The following GBP6 variants were observed in gnomAD, a reference collection of about 807,000 sequenced individuals.
GBP6 encodes the protein guanylate binding protein family member 6.
Under a neutral mutation model 61.5 loss-of-function variants are expected in GBP6, and 54 were observed. The ratio of observed to expected loss-of-function variants is 0.88; its 90% CI spans 0.71 to 1.10. The LOEUF is 1.10. Among genes scored for constraint, GBP6 ranks in the 50% least tolerant of loss-of-function variants. GBP6 has a pLI of 0.00. For missense variants in GBP6, 748 were observed against 752.8 expected, an observed-to-expected ratio of 0.99 and a Z score of 0.07; for synonymous variants, 255 against 273.7, an observed-to-expected ratio of 0.93 and a Z score of 0.67.
chr1:89,383,607 C>G, intron 8 of GBP6, 45 bp from the exon 9 acceptor site: 3 of 1,350,928 alleles, frequency 2.2e-6, no homozygotes, highest in Non-Finnish European at 3.1e-6. Flanking sequence ...ATACCCAGAA[C>G]ATAGATTTTC....
At chr1:89,365,145 G>T (rs1652435311) in intron 1 of GBP6, among the ~76,000 whole-genome samples, 1 of 152,208 alleles carries the variant, frequency 6.6e-6, no homozygotes, top group Non-Finnish European at 1.5e-5. Context: ...CACAGCAAAA[G>T]AAACTATCAT....
At chr1:89,383,565 G>C in intron 8 of GBP6, 87 bp from the exon 9 acceptor site, 1 of 1,000,342 alleles carries the variant, frequency 1.0e-6, no homozygotes, top group Non-Finnish European at 1.5e-6. Context: ...TAAAGCAAAA[G>C]TTACAAGACC....
chr1:89,376,933 A>G (rs1229971976), intron 3 of GBP6, among the ~76,000 whole-genome samples: 1 of 152,126 alleles, frequency 6.6e-6, no homozygotes. Flanking sequence ...TAAATAGTTT[A>G]TTGTTTGTCA....
chr1:89,383,700 G>A lies in GBP6; in HGVS notation c.1414G>A (p.Glu472Lys), dbSNP rs372187705. 7 of 1,612,928 alleles carry A rather than the reference G, an allele frequency of 4.3e-6. No individual in the cohort carries two copies. Among genetic ancestry groups the A allele is most frequent in the Non-Finnish European group, 5.1e-6 (6 of 1,179,762 alleles). ...RFLESQMVIE[E>K]SILQSDKALT... is the part of the protein sequence containing the mutation. ...CCTGGAGTCACAGATGGTGATAGAG[G>A]AATCCATCTTGCAGTCAGATAAAGC... The change falls in exon 9 of 11, where the codon GAA (glutamate) becomes AAA (lysine). Residue 472 changes from glutamate to lysine, a missense_variant. Transcript: ENST00000370456.
Position 89,385,357 on chromosome 1 carries a change from T to C in GBP6, c.1790T>C (p.Leu597Ser), listed in dbSNP as rs1653107604. Reference sequence around the variant, plus strand: ...GATACTCCCTGGATTGCACGAACCTTGGACAACCTTGCCGATGAGCTAACT... The same window carrying C: ...GATACTCCCTGGATTGCACGAACCTCGGACAACCTTGCCGATGAGCTAACT... ...NDDTPWIART[L>S]DNLADELTAI... Residue 597 changes from leucine (L) to serine (S), a missense_variant, in exon 11 of 11, where the codon TTG (leucine) becomes TCG (serine). By Grantham distance (145) the Leu-to-Ser change is moderately radical. Transcript: ENST00000370456. 6.2e-7 allele frequency: 1 copy of C among 1,614,148 alleles called. No individual in the cohort carries two copies. Among genetic ancestry groups the C allele is most frequent in the Non-Finnish European group, 8.5e-7 (1 of 1,180,024 alleles).
chr1:89,382,000 C>A, intron 7 of GBP6, 26 bp downstream of exon 7: 1 of 1,571,068 alleles, frequency 6.4e-7, no homozygotes, highest in South Asian at 1.2e-5. Context: ...CATTACTGTT[C>A]ATCATCCTTC....
Position 89,384,296 on chromosome 1 carries a change from C to T in GBP6, c.1662+10C>T. ...GGAGCACACGCAGAAGGTAAGTCTGCCCTTGGCCTCAGCAGGCCAGACGGT... is the reference window on the plus strand; with the variant it reads ...GGAGCACACGCAGAAGGTAAGTCTGTCCTTGGCCTCAGCAGGCCAGACGGT... On this transcript the variant is annotated intron_variant, in intron 10 of 10. Coordinates refer to ENST00000370456, the MANE Select transcript of GBP6 (RefSeq NM_198460.3). 1.2e-6 allele frequency: 2 copies of T among 1,600,244 alleles called. No homozygotes were observed. The highest frequency in any genetic ancestry group is 1.7e-6 in the Non-Finnish European group (2 of 1,173,268).
intron 3 of GBP6, among the ~76,000 whole-genome samples, chr1:89,374,940 AT>A (rs1652763945): frequency 6.6e-6 from 1 of 151,744 alleles, no homozygotes; most frequent in African/African-American, 2.4e-5. Context: ...CCCTCCCCTA[AT>A]CCCCAGTGTG....
chr1:89,366,137 A>C (rs1019071554), intron 1 of GBP6, among the ~76,000 whole-genome samples: 8 of 152,218 alleles, frequency 5.3e-5, no homozygotes, highest in Admixed American at 5.2e-4. Flanking sequence ...CATTGACTTT[A>C]TCTCTCAAAA....
Position 89,385,295 on chromosome 1 carries a change from T to G in GBP6, c.1728T>G (p.Ser576Arg). ...KKYEEMNAEI[S>R]QFKRMIDTTK... ...ATGAGGAGATGAATGCAGAGATAAG[T>G]CAATTTAAACGTATGATTGATACTA... The change falls in exon 11 of 11, where the codon AGT (serine) becomes AGG (arginine). Residue 576 changes from serine to arginine, a missense_variant. By Grantham distance (110) the Ser-to-Arg change is moderately radical. Transcript: ENST00000370456. The G allele has an allele frequency of 6.2e-7, 1 of 1,613,958 alleles. No individual in the cohort carries two copies. Among genetic ancestry groups the G allele is most frequent in the Admixed American group, 1.7e-5 (1 of 60,012 alleles).
In GBP6 at chr1:89,368,587, C is replaced by T; in HGVS notation, c.36C>T (p.Cys12=). The change falls in exon 2 of 11, where the codon TGC becomes TGT. Residue 12 remains cysteine, a synonymous_variant. Transcript: ENST00000370456. ...ESGPKMLAPV[C]LVENNNEQLL... is the part of the protein sequence containing the mutation. ...GACCCAAAATGTTGGCCCCCGTTTG[C>T]CTGGTGGAAAATAACAATGAGCAGC... The T allele has an allele frequency of 6.2e-7, 1 of 1,614,076 alleles. No homozygotes were observed.
At chr1:89,384,496 G>A (rs1653080893) in intron 10 of GBP6, among the ~76,000 whole-genome samples, 1 of 152,154 alleles carries the variant, frequency 6.6e-6, no homozygotes. Context: ...TTCTGGAGAG[G>A]TAAGGTTGAC....
At position 89,371,135 on chromosome 1, in the gene GBP6, A is replaced by G. The variant is rs186229477; in HGVS notation, c.318+1462A>G. ...CTGACTTATTTCACTTAGCATAACGACCTCAGTGTTCATCTATGTTGTTGC... is the reference window on the plus strand; with the variant it reads ...CTGACTTATTTCACTTAGCATAACGGCCTCAGTGTTCATCTATGTTGTTGC... On this transcript the variant is annotated intron_variant, in intron 3 of 10. Coordinates refer to ENST00000370456, the MANE Select transcript of GBP6 (RefSeq NM_198460.3). 2.0e-3 allele frequency among the ~76,000 whole-genome samples: 311 copies of G among 152,266 alleles called. 1 individual carries two copies. Among genetic ancestry groups the G allele is most frequent in the Admixed American group, 4.1e-3 (62 of 15,296 alleles).
At chr1:89,381,058 G>A (rs967460638) in intron 6 of GBP6, among the ~76,000 whole-genome samples, 4 of 152,012 alleles carry the variant, frequency 2.6e-5, no homozygotes, top group East Asian at 1.9e-4. Context: ...GCAGAGGCAC[G>A]CAGATCGCTT....
chr1:89,381,234 G>A (rs1281671477), intron 6 of GBP6, among the ~76,000 whole-genome samples: 5 of 127,312 alleles, frequency 3.9e-5, no homozygotes, highest in African/African-American at 6.2e-5. Context: ...GTAGTGAGCC[G>A]AGATCACACC....
Position 89,380,479 on chromosome 1 carries a change from C to G in GBP6, c.719C>G (p.Thr240Arg). 3.1e-6 allele frequency: 5 copies of G among 1,614,088 alleles called. No homozygotes were observed. Among genetic ancestry groups the G allele is most frequent in the Non-Finnish European group, 3.4e-6 (4 of 1,180,002 alleles). ...KRKCFVFDRP[T>R]NDKDLLANIE... ...AAGTGTTTCGTCTTTGACCGGCCAACAAATGACAAAGACCTTCTAGCCAAT... is the reference window on the plus strand; with the variant it reads ...AAGTGTTTCGTCTTTGACCGGCCAAGAAATGACAAAGACCTTCTAGCCAAT... The change falls in exon 6 of 11, where the codon ACA becomes AGA. Residue 240 changes from threonine to arginine, a missense_variant. Physicochemically the swap from Thr to Arg is moderately conservative, Grantham distance 71 (BLOSUM62 -1). Coordinates refer to ENST00000370456, the MANE Select transcript of GBP6 (RefSeq NM_198460.3).
rs1040183783 is a variant in GBP6 at position 89,386,809 on chromosome 1, G to A, written c.*1340G>A. On this transcript the variant is annotated 3_prime_UTR_variant, in exon 11 of 11. Coordinates refer to ENST00000370456, the MANE Select transcript of GBP6 (RefSeq NM_198460.3). ...TAGCCTCAGATAGAAAGGACAATGT[G>A]CCTTTCCAGAACTGAACCCCCTGAT... 4.6e-5 allele frequency among the ~76,000 whole-genome samples: 7 copies of A among 152,170 alleles called. No individual in the cohort carries two copies. In the South Asian group the frequency reaches 6.2e-4, roughly 14 times the overall value.
chr1:89,387,512 T>C lies in GBP6; in HGVS notation c.*2043T>C, dbSNP rs1020244008. On this transcript the variant is annotated 3_prime_UTR_variant, in exon 11 of 11. Coordinates refer to ENST00000370456, the MANE Select transcript of GBP6 (RefSeq NM_198460.3). Reference sequence around the variant, plus strand: ...ATAGGTTGTGCTAAATAAGCTTCTTTTATAAAAACAATAGGCTGATGCATG... The same window carrying C: ...ATAGGTTGTGCTAAATAAGCTTCTTCTATAAAAACAATAGGCTGATGCATG... 6.6e-6 allele frequency among the ~76,000 whole-genome samples: 1 copy of C among 152,230 alleles called. No homozygotes were observed. Among genetic ancestry groups the C allele is most frequent in the Non-Finnish European group, 1.5e-5 (1 of 68,048 alleles).
In GBP6 at chr1:89,378,600, G is replaced by C. The variant is rs370118070; in HGVS notation, c.612G>C (p.Leu204Phe). 9.9e-5 allele frequency: 160 copies of C among 1,612,400 alleles called. No individual in the cohort carries two copies. The highest frequency in any genetic ancestry group is 1.3e-4 in the Non-Finnish European group (151 of 1,178,858). ...ITEDEYLENA[L>F]KLIQGNNPRV... ...AAGATGAATACCTGGAGAATGCCTT[G>C]AAGCTGATTCAAGGTATCAGAATGT... is the stretch of plus-strand genomic sequence containing the variant. The change falls in exon 5 of 11, where the codon TTG becomes TTC. Residue 204 changes from leucine (L) to phenylalanine (F), a missense_variant. Leu to Phe is a conservative substitution (Grantham distance 22). Coordinates refer to ENST00000370456, the MANE Select transcript of GBP6 (RefSeq NM_198460.3).
Sources: gnomAD v4.1 joint callset for allele counts (sites outside exome capture counted in the v4.1 genomes callset) on GRCh38, gnomAD v4.1.1 for gene constraint, MANE v1.5 for transcripts, NCBI Gene and HGNC (gene_info 2026-07-23, HGNC 2026-07-21) for gene names.